ASB15: variants seen among roughly 807,000 people sequenced by gnomAD.
The protein encoded by ASB15 is ankyrin repeat and SOCS box protein 15.
In ASB15, 54 loss-of-function variants were observed where a neutral mutation model predicts 58.0. That is an observed-to-expected ratio of 0.93 (90% CI 0.75 to 1.17). ASB15 has a LOEUF of 1.17. Among genes scored for constraint, ASB15 ranks in the 50% most tolerant of loss-of-function variants. The pLI, the probability that ASB15 is intolerant of heterozygous loss-of-function variation, is 0.00. For synonymous variants in ASB15, 249 were observed against 262.4 expected (o/e 0.95, Z 0.50); for missense variants, 680 against 707.4 (o/e 0.96, Z 0.44).
At chr7:123,615,774 AT>A (rs1247225723) in intron 4 of ASB15, among the ~76,000 whole-genome samples, 25 of 152,140 alleles carry the variant, frequency 1.6e-4, no homozygotes, top group Non-Finnish European at 2.8e-4. Flanking sequence ...AGCAAAAAAC[AT>A]TTTTTGAGCA....
chr7:123,622,350 C>T (rs905902256), intron 7 of ASB15, among the ~76,000 whole-genome samples: 1 of 151,946 alleles, frequency 6.6e-6, no homozygotes, highest in Admixed American at 6.6e-5. Flanking sequence ...TTTACTTAAT[C>T]ATTTATGTTA....
intron 4 of ASB15, among the ~76,000 whole-genome samples, 167 bp downstream of exon 4, chr7:123,614,776 A>G (rs1256321409): frequency 1.3e-5 from 2 of 152,226 alleles, no homozygotes; most frequent in Non-Finnish European, 2.9e-5. Flanking sequence ...AGTTTTAGCA[A>G]TCTGATCTTC....
Position 123,620,503 on chromosome 7 carries a change from CATACATATATATATATATATAT to C in ASB15, c.451+2770_451+2791del, listed in dbSNP as rs1213265865. Among the ~76,000 whole-genome samples the C allele has an allele frequency of 4.4e-3, 233 of 53,058 alleles. 11 individuals carry two copies. Among genetic ancestry groups the C allele is most frequent in the African/African-American group, 0.017 (214 of 12,606 alleles). The allele number at this position is 53,058 out of a possible 152,430, so 34.8% of individuals were successfully genotyped here. ...CACCACTAGTAATGTGACACATATA[CATACATATATATATATATATAT>C]ATATATATATATATATATATATATA... On this transcript the variant is annotated intron_variant, in intron 7 of 11. Transcript: ENST00000451215.
At chr7:123,607,412 C>T (rs1800202165) in intron 2 of ASB15, among the ~76,000 whole-genome samples, 1 of 152,066 alleles carries the variant, frequency 6.6e-6, no homozygotes, top group Non-Finnish European at 1.5e-5. Context: ...AATGTTTTGG[C>T]AATTTAAACA....
Position 123,616,501 on chromosome 7 carries a change from A to G in ASB15, c.292+6A>G, listed in dbSNP as rs766129554. 4.3e-6 allele frequency: 7 copies of G among 1,611,092 alleles called. No individual in the cohort carries two copies. Among genetic ancestry groups the G allele is most frequent in the Non-Finnish European group, 5.9e-6 (7 of 1,178,546 alleles). The stretch of plus-strand genomic sequence containing the variant: ...ACTTGAGATTGTTCTGGATGGTAAG[A>G]GAACATAAAACATGTTTGACCAAGC... On this transcript the variant is annotated splice_donor_region_variant and intron_variant, in intron 6 of 11. Coordinates refer to ENST00000451215, the MANE Select transcript of ASB15 (RefSeq NM_001290258.2).
rs869298878 is a variant in ASB15, at chr7:123,620,554, A to ATTT, written c.451+2850_451+2852dup. ...TATATATATATATATATATATATATATTTTTTTTTTTTTTTTTTTTTTTTT... is the reference window on the plus strand; with the variant it reads ...TATATATATATATATATATATATATATTTTTTTTTTTTTTTTTTTTTTTTTTTT... On this transcript the variant is annotated intron_variant, in intron 7 of 11. Coordinates refer to ENST00000451215, the MANE Select transcript of ASB15 (RefSeq NM_001290258.2). Among the ~76,000 whole-genome samples, 3 of 10,052 alleles carry ATTT rather than the reference A, an allele frequency of 3.0e-4. 1 individual carries two copies. Among genetic ancestry groups the ATTT allele is most frequent in the Admixed American group, 3.4e-3 (2 of 596 alleles). 6.6% of individuals were successfully genotyped at this position (10,052 alleles called of 152,430 possible). A position where few individuals can be genotyped will look rare whatever the true frequency, so the allele number is the denominator to read the frequency against.
At chr7:123,613,929 CA>C (rs1262748445) in intron 3 of ASB15, among the ~76,000 whole-genome samples, 2 of 152,106 alleles carry the variant, frequency 1.3e-5, no homozygotes, top group South Asian at 4.2e-4. Flanking sequence ...ACCTGTAATC[CA>C]AGCTACTCAG....
intron 7 of ASB15, among the ~76,000 whole-genome samples, chr7:123,618,706 T>A (rs991335242): frequency 1.3e-5 from 2 of 151,888 alleles, no homozygotes; most frequent in African/African-American, 4.8e-5. Context: ...TCATAACTAG[T>A]TAAGAACCAT....
chr7:123,598,134 A>G (rs1799758630), upstream of ASB15, among the ~76,000 whole-genome samples: 1 of 152,254 alleles, frequency 6.6e-6, no homozygotes, highest in East Asian at 1.9e-4. Flanking sequence ...GTCTGTATAT[A>G]TAGAATAGAA....
chr7:123,577,581 CTCT>C (rs1240722411), intron 1 of ASB15, among the ~76,000 whole-genome samples: 3 of 152,096 alleles, frequency 2.0e-5, no homozygotes, highest in Non-Finnish European at 2.9e-5. Context: ...TGCCAGAATT[CTCT>C]TCTTCTCAGG....
At chr7:123,628,682 A>T (rs901852279) in intron 9 of ASB15, among the ~76,000 whole-genome samples, 182 bp from the exon 10 acceptor site, 1 of 152,246 alleles carries the variant, frequency 6.6e-6, no homozygotes, top group Non-Finnish European at 1.5e-5. Flanking sequence ...AAACTGAGCT[A>T]CATTACACTA....
At chr7:123,612,186 AG>A (rs1800505152) in intron 3 of ASB15, 1 of 152,280 alleles carries the variant, frequency 6.6e-6, no homozygotes, top group African/African-American at 2.4e-5. Flanking sequence ...TCACCAGGCA[AG>A]GCCACAGGTT....
chr7:123,626,152 A>G (rs779839188), intron 8 of ASB15, among the ~76,000 whole-genome samples: 80 of 152,228 alleles, frequency 5.3e-4, no homozygotes, highest in Admixed American at 1.2e-3. Flanking sequence ...CACTGATTGC[A>G]CATAGAGGGC....
chr7:123,636,875 T>C lies in ASB15; in HGVS notation c.1661T>C (p.Leu554Pro), dbSNP rs776061328. ...KIRRLMGLQK[L>P]CQPASVEKLP... Reference sequence around the variant, plus strand: ...CGAAGGCTTATGGGTCTCCAGAAACTCTGCCAGCCAGCCTCAGTGGAGAAG... The same window carrying C: ...CGAAGGCTTATGGGTCTCCAGAAACCCTGCCAGCCAGCCTCAGTGGAGAAG... The change falls in exon 12 of 12, where the codon CTC becomes CCC. Residue 554 changes from leucine (L) to proline (P), a missense_variant. Transcript: ENST00000451215. 9.9e-6 allele frequency: 16 copies of C among 1,608,866 alleles called. No individual in the cohort carries two copies. Among genetic ancestry groups the C allele is most frequent in the African/African-American group, 2.7e-5 (2 of 74,758 alleles).
chr7:123,626,447 G>A (rs556651595), intron 8 of ASB15, among the ~76,000 whole-genome samples: 70 of 152,136 alleles, frequency 4.6e-4, no homozygotes, highest in African/African-American at 1.7e-3. Flanking sequence ...ACTCCAGCCT[G>A]GTCGACAGAG....
chr7:123,635,929 GATC>G (rs1212516578), intron 11 of ASB15, among the ~76,000 whole-genome samples: 1 of 152,074 alleles, frequency 6.6e-6, no homozygotes, highest in Non-Finnish European at 1.5e-5. Flanking sequence ...ATAGAGATGT[GATC>G]ATGTTTATTA....
rs1800022161 is a variant in ASB15, at chr7:123,604,183, T to A, written c.-93T>A. The stretch of plus-strand genomic sequence containing the variant: ...TTGCAGAGGAACACTACTTTCTCAG[T>A]GTAGCTCTGAGAAAGAGAACCAGAA... On this transcript the variant is annotated 5_prime_UTR_variant, in exon 2 of 12. Coordinates refer to ENST00000451215, the MANE Select transcript of ASB15 (RefSeq NM_001290258.2). 6.6e-6 allele frequency: 1 copy of A among 152,110 alleles called. No homozygotes were observed. The highest frequency in any genetic ancestry group is 1.5e-5 in the Non-Finnish European group (1 of 68,004). 9.4% of individuals were successfully genotyped at this position (152,110 alleles called of 1,614,324 possible).
intron 11 of ASB15, among the ~76,000 whole-genome samples, chr7:123,632,214 G>A (rs1321340886): frequency 1.3e-5 from 2 of 151,954 alleles, no homozygotes; most frequent in Non-Finnish European, 2.9e-5. Flanking sequence ...TATCAGATAT[G>A]AAAGAACAAT....
At chr7:123,582,607 A>C (rs1012504355) in intron 1 of ASB15, among the ~76,000 whole-genome samples, 2 of 151,796 alleles carry the variant, frequency 1.3e-5, no homozygotes, top group African/African-American at 4.8e-5. Context: ...TTTCCCTCAG[A>C]TCTATGTGTA....
Sources: allele counts gnomAD v4.1 joint callset (sites outside exome capture counted in the v4.1 genomes callset), GRCh38; gene constraint gnomAD v4.1.1; transcripts MANE v1.5; gene names NCBI Gene and HGNC (gene_info 2026-07-23, HGNC 2026-07-21).